Variants in DNAH3 observed in about 807,000 individuals in gnomAD.
DNAH3 encodes the protein axonemal beta dynein heavy chain 3.
In DNAH3, 332 loss-of-function variants were observed where a neutral mutation model predicts 432.5. That is an observed-to-expected ratio of 0.77 (90% CI 0.70 to 0.84). The LOEUF (loss-of-function observed/expected upper bound fraction) is 0.84, where lower values mean the gene tolerates loss of function less well. DNAH3 is among the 40% of genes least tolerant of loss of function. DNAH3 has a pLI of 0.00. For synonymous variants in DNAH3, 1,956 were observed against 1,900.2 expected (o/e 1.03, Z -0.76); for missense variants, 4,861 against 5,114.0 (o/e 0.95, Z 1.51).
At chr16:21,058,499 G>GT (rs2090216020) in intron 26 of DNAH3, among the ~76,000 whole-genome samples, 2 of 152,094 alleles carry the variant, frequency 1.3e-5, no homozygotes, top group Admixed American at 6.6e-5. Flanking sequence ...CATAACTACT[G>GT]TTTTTTAATG....
intron 24 of DNAH3, among the ~76,000 whole-genome samples, chr16:21,065,239 C>T (rs184288532): frequency 1.3e-5 from 2 of 152,204 alleles, no homozygotes; most frequent in Non-Finnish European, 2.9e-5. Flanking sequence ...CGGCTCACCA[C>T]AATCTCTGCC....
chr16:20,949,919 G>A (rs1195263921), intron 56 of DNAH3, among the ~76,000 whole-genome samples: 1 of 152,184 alleles, frequency 6.6e-6, no homozygotes, highest in Non-Finnish European at 1.5e-5. Context: ...CCATATCCCA[G>A]GGCAATCATG....
chr16:20,952,233 AG>A (rs1279517881), intron 56 of DNAH3, among the ~76,000 whole-genome samples, 199 bp downstream of exon 56: 1 of 152,154 alleles, frequency 6.6e-6, no homozygotes, highest in East Asian at 1.9e-4. Flanking sequence ...GAGTCACTCA[AG>A]GGTAAAGATT....
rs2152567931 is a variant in DNAH3 at position 20,941,531 on chromosome 16, C to A, written c.11524G>T (p.Glu3842Ter). ...TTGGAGAGAATGTCTTGTGCCAACT[C>A]CTCAACCACTTCCTTAAAATGCAGG... Residue 3842 changes from glutamate (E) to a stop codon, truncating the protein, a stop_gained, in exon 59 of 62, where the codon GAG (glutamate) becomes TAG (stop). Transcript: ENST00000261383. LOFTEE classifies it high-confidence loss of function. 1 of 1,614,174 alleles carries A rather than the reference C, an allele frequency of 6.2e-7. No individual in the cohort carries two copies. The highest frequency in any genetic ancestry group is 1.1e-5 in the South Asian group (1 of 91,062).
intron 44 of DNAH3, among the ~76,000 whole-genome samples, chr16:20,995,882 A>AGGC (rs1489799927): frequency 6.6e-6 from 1 of 152,258 alleles, no homozygotes; most frequent in Non-Finnish European, 1.5e-5. Context: ...CACATGGGCC[A>AGGC]GCACACTTTG....
intron 24 of DNAH3, chr16:21,063,060 T>C (rs548797309): frequency 1.1e-5 from 2 of 177,650 alleles, no homozygotes; most frequent in African/African-American, 4.7e-5. Context: ...GTTTTGAGTC[T>C]GACAGCAAGA....
intron 37 of DNAH3, among the ~76,000 whole-genome samples, chr16:21,028,860 A>C (rs1042942803): frequency 2.0e-5 from 3 of 152,186 alleles, no homozygotes; most frequent in Non-Finnish European, 4.4e-5. Context: ...AGAAGAGGAA[A>C]TACGACTGAT....
chr16:21,156,073 G>A (rs969984902), intron 1 of DNAH3, among the ~76,000 whole-genome samples: 3 of 152,232 alleles, frequency 2.0e-5, no homozygotes, highest in South Asian at 2.1e-4. Flanking sequence ...TGGTTCCAGT[G>A]AAGGCCCCCT....
chr16:21,003,553 A>C (rs2087132621), intron 41 of DNAH3, among the ~76,000 whole-genome samples: 1 of 152,184 alleles, frequency 6.6e-6, no homozygotes, highest in African/African-American at 2.4e-5. Context: ...TGGGTGGATC[A>C]CCTGAAGTCA....
At chr16:21,135,907 CA>C (rs2092635906) in intron 6 of DNAH3, among the ~76,000 whole-genome samples, 1 of 150,460 alleles carries the variant, frequency 6.6e-6, no homozygotes, top group East Asian at 2.0e-4. Context: ...TTTAAACTTA[CA>C]AATGTAGAAT....
chr16:20,963,527 C>T, exon 53 of DNAH3: 1 of 1,613,952 alleles, frequency 6.2e-7, no homozygotes, highest in East Asian at 2.2e-5. Flanking sequence ...TGGGGCCAGG[C>T]CGAGTCATAG....
At chr16:21,049,955 G>A in exon 30 of DNAH3, 1 of 1,614,174 alleles carries the variant, frequency 6.2e-7, no homozygotes. Flanking sequence ...TTTCTGTCTT[G>A]CCAGTCCCAG....
intron 50 of DNAH3, 128 bp downstream of exon 50, chr16:20,979,202 G>T: frequency 1.3e-6 from 1 of 763,114 alleles, no homozygotes; most frequent in Non-Finnish European, 2.2e-6. Context: ...GGTAAGGTAA[G>T]CTCTGCAAAT....
At chr16:21,023,942 A>G (rs1216041485) in intron 39 of DNAH3, among the ~76,000 whole-genome samples, 5 of 152,152 alleles carry the variant, frequency 3.3e-5, no homozygotes, top group Admixed American at 3.3e-4. Context: ...TTGTAGGAAT[A>G]GACCATCCTT....
chr16:21,153,361 GA>G (rs2092875408), intron 1 of DNAH3, among the ~76,000 whole-genome samples: 1 of 152,112 alleles, frequency 6.6e-6, no homozygotes, highest in African/African-American at 2.4e-5. Flanking sequence ...GGGCCTTGGA[GA>G]ACCTTTGTGT....
At chr16:20,949,073 T>G (rs1293556628) in intron 56 of DNAH3, among the ~76,000 whole-genome samples, 3 of 151,918 alleles carry the variant, frequency 2.0e-5, no homozygotes, top group Non-Finnish European at 4.4e-5. Context: ...TCCCCCACAT[T>G]TACCATCTTC....
chr16:21,152,860 C>A (rs1597503775), intron 1 of DNAH3, among the ~76,000 whole-genome samples: 1 of 152,370 alleles, frequency 6.6e-6, no homozygotes, highest in South Asian at 2.1e-4. Flanking sequence ...ACTTGCAGCC[C>A]GCCATGCCTG....
At chr16:21,108,032 C>A (rs541352338) in intron 14 of DNAH3, among the ~76,000 whole-genome samples, 1 of 152,124 alleles carries the variant, frequency 6.6e-6, no homozygotes, top group East Asian at 1.9e-4. Flanking sequence ...CACCACCACA[C>A]CCGGCTAATT....
At chr16:20,993,408 TG>T (rs1239167342) in intron 44 of DNAH3, among the ~76,000 whole-genome samples, 1 of 152,198 alleles carries the variant, frequency 6.6e-6, no homozygotes, top group African/African-American at 2.4e-5. Flanking sequence ...TTTGATTACC[TG>T]AAATCCATTT....
Sources: allele counts gnomAD v4.1 joint callset (sites outside exome capture counted in the v4.1 genomes callset), GRCh38; gene constraint gnomAD v4.1.1; transcripts MANE v1.5; gene names NCBI Gene and HGNC (gene_info 2026-07-23, HGNC 2026-07-21).